The following ARHGEF18 variants were observed in gnomAD, a reference collection of about 807,000 sequenced individuals.
ARHGEF18 encodes rho guanine nucleotide exchange factor 18.
Under a neutral mutation model 155.7 loss-of-function variants are expected in ARHGEF18, and 93 were observed. The observed-to-expected ratio is 0.60, with a 90% CI of 0.50 to 0.71. The LOEUF (loss-of-function observed/expected upper bound fraction) is 0.71, where lower values mean the gene tolerates loss of function less well. Among genes scored for constraint, ARHGEF18 ranks in the 30% least tolerant of loss-of-function variants. The probability of loss-of-function intolerance (pLI) is 0.00; values close to 1 mark genes in which losing one functional copy is unlikely to be tolerated. For missense variants in ARHGEF18, 1,593 were observed against 1,816.1 expected (o/e 0.88, Z 2.23); for synonymous variants, 742 against 753.1 (o/e 0.99, Z 0.24).
At chr19:7,389,923 C>T (rs577468655) in intron 10 of ARHGEF18, among the ~76,000 whole-genome samples, 2 of 152,006 alleles carry the variant, frequency 1.3e-5, no homozygotes, top group Non-Finnish European at 2.9e-5. Flanking sequence ...GATGTGGGGC[C>T]GGGCGCGGAA....
intron 1 of ARHGEF18, among the ~76,000 whole-genome samples, chr19:7,361,530 C>T (rs28370465): frequency 0.048 from 7,331 of 152,232 alleles, 585 homozygotes; most frequent in African/African-American, 0.17. Context: ...CGACCCAAGA[C>T]AATGGAAAAC....
chr19:7,459,982 C>A lies in ARHGEF18; in HGVS notation c.2440C>A (p.Arg814=). The A allele has an allele frequency of 6.3e-7, 1 of 1,579,778 alleles. No individual in the cohort carries two copies. The highest frequency in any genetic ancestry group is 2.3e-5 in the East Asian group (1 of 42,968). The change falls in exon 20 of 29, where the codon CGG becomes AGG. Residue 814 remains arginine (R), a synonymous_variant. Coordinates refer to ENST00000668164, the MANE Select transcript of ARHGEF18 (RefSeq NM_001367823.1). ...KVVEARATRL[R]DFQERLSMKD... is the part of the protein sequence containing the mutation. ...GGTCGAGGCCCGCGCCACGAGACTC[C>A]GGGACTTTCAAGGTGAGCGGGAGAC...
intron 10 of ARHGEF18, among the ~76,000 whole-genome samples, chr19:7,407,983 A>AAAAAAAAAAAAAAAAAAAAC (rs1555711562): frequency 6.3e-5 from 9 of 141,966 alleles, no homozygotes; most frequent in African/African-American, 2.7e-4. Context: ...AAAAAAAAAA[A>AAAAAAAAAAAAAAAAAAAAC]AAAAGAGGTA....
intron 18 of ARHGEF18, among the ~76,000 whole-genome samples, chr19:7,456,776 A>G (rs965922621): frequency 4.6e-5 from 7 of 151,998 alleles, no homozygotes; most frequent in African/African-American, 1.7e-4. Flanking sequence ...CAAAAAACAG[A>G]CGAAGGGCCC....
At position 7,462,836 on chromosome 19, in the gene ARHGEF18, C is replaced by CTTTTTTTT. The variant is rs34155241; in HGVS notation, c.2635+513_2635+520dup. Among the ~76,000 whole-genome samples, 1 of 96,490 alleles carries CTTTTTTTT rather than the reference C, an allele frequency of 1.0e-5. No individual in the cohort carries two copies. 63.3% of individuals were successfully genotyped at this position (96,490 alleles called of 152,430 possible). ...AGTCTGCTCTTTCTTTTTTTCTTTT[C>CTTTTTTTT]TTTTTTTTTTTTTTTTTTGAGATGG... On this transcript the variant is annotated intron_variant, in intron 21 of 28. Transcript: ENST00000668164. This position sits in a 1 kb window ranked among gnomAD's most constrained non-coding sequence, Gnocchi z 4.4.
In ARHGEF18 at chr19:7,440,421, GTC is replaced by G. The variant is rs1030926113; in HGVS notation, c.1050_1051del (p.Gln351GlufsTer26). ...CCTGTCCAGGAATGTCGGTATGACG[GTC>G]TCTCAGAAAGGGGGTCCCCAGCCAA... ...PALSRNVGMT[V>X]SQKGGPQPTP... is the part of the protein sequence containing the mutation. On this transcript the variant is annotated frameshift_variant, in exon 11 of 29. Coordinates refer to ENST00000668164, the MANE Select transcript of ARHGEF18 (RefSeq NM_001367823.1). LOFTEE classifies it high-confidence loss of function. This position sits in a 1 kb window ranked among gnomAD's most constrained non-coding sequence, Gnocchi z 5.4. The G allele has an allele frequency of 1.9e-6, 3 of 1,604,368 alleles. No homozygotes were observed. Among genetic ancestry groups the G allele is most frequent in the Non-Finnish European group, 2.5e-6 (3 of 1,179,946 alleles).
intron 1 of ARHGEF18, among the ~76,000 whole-genome samples, chr19:7,358,836 G>T (rs1228288836): frequency 6.6e-6 from 1 of 152,148 alleles, no homozygotes; most frequent in Non-Finnish European, 1.5e-5. Context: ...AGTACATGAT[G>T]GGCTTAGCAC....
Position 7,444,653 on chromosome 19 carries a change from G to C in ARHGEF18, c.1611+199G>C, listed in dbSNP as rs904740452. 6.6e-6 allele frequency among the ~76,000 whole-genome samples: 1 copy of C among 152,136 alleles called. No homozygotes were observed. The highest frequency in any genetic ancestry group is 2.4e-5 in the African/African-American group (1 of 41,434). ...AGCCTCCCAAGTAGCTGGGACTACA[G>C]CTATGCGCCACCATACCCGGCTAAA... is the stretch of plus-strand genomic sequence containing the variant. On this transcript the variant is annotated intron_variant, in intron 14 of 28. Coordinates refer to ENST00000668164, the MANE Select transcript of ARHGEF18 (RefSeq NM_001367823.1). This position sits in a 1 kb window ranked among gnomAD's most constrained non-coding sequence, Gnocchi z 4.7.
In ARHGEF18 at chr19:7,440,332, C is replaced by G; in HGVS notation, c.968-12C>G. ...TTTCTCAGCACCAACTCTGTCCTTG[C>G]CTCTGTCACAGCCTCGCTCAAGGAG... On this transcript the variant is annotated splice_polypyrimidine_tract_variant and intron_variant, in intron 10 of 28. Transcript: ENST00000668164. The surrounding 1 kb of genome is among the most constrained non-coding windows in gnomAD (Gnocchi z 5.4). 6.2e-7 allele frequency: 1 copy of G among 1,611,580 alleles called. No homozygotes were observed. Among genetic ancestry groups the G allele is most frequent in the Middle Eastern group, 1.7e-4 (1 of 6,058 alleles).
At chr19:7,402,787 C>T (rs2145576180) in intron 10 of ARHGEF18, among the ~76,000 whole-genome samples, 1 of 152,148 alleles carries the variant, frequency 6.6e-6, no homozygotes, top group South Asian at 2.1e-4. Context: ...CATGTAGGAC[C>T]ACGTAGGAGA....
intron 13 of ARHGEF18, among the ~76,000 whole-genome samples, chr19:7,443,350 C>T (rs1348268848): frequency 2.0e-5 from 3 of 152,124 alleles, no homozygotes; most frequent in South Asian, 4.1e-4. Context: ...CCACCATGCC[C>T]GGCCATGCCC....
chr19:7,375,445 G>T lies in ARHGEF18; in HGVS notation c.276-275G>T, dbSNP rs558250893. 9.5e-5 allele frequency among the ~76,000 whole-genome samples: 14 copies of T among 147,886 alleles called. No individual in the cohort carries two copies. The East Asian group carries it at 2.5e-3, about 27-fold the overall frequency. The stretch of plus-strand genomic sequence containing the variant: ...GAAGAAAGGAAGGAAGAAAAGAAAA[G>T]AAAGAAAAGAAAGAGAAAACCAGTC... On this transcript the variant is annotated intron_variant, in intron 3 of 28. Transcript: ENST00000668164.
In ARHGEF18 at chr19:7,383,104, C is replaced by G. The variant is rs960254061; in HGVS notation, c.868C>G (p.Arg290Gly). Residue 290 changes from arginine (R) to glycine (G), a missense_variant, in exon 10 of 29, where the codon CGA becomes GGA. By Grantham distance (125) the Arg-to-Gly change is moderately radical (BLOSUM62 -2). Transcript: ENST00000668164. ...TCTGAAGGACAAGGGCCAGGATGCA[C>G]GAGAGAGGCGGGAGTGTGTCAATGG... ...AHLKDKGQDA[R>G]ERRECVNGHQ... is the part of the protein sequence containing the mutation. 1.6e-6 allele frequency: 2 copies of G among 1,232,338 alleles called. No homozygotes were observed. Among genetic ancestry groups the G allele is most frequent in the Non-Finnish European group, 2.0e-6 (2 of 988,080 alleles). The allele number at this position is 1,232,338 out of a possible 1,614,324, so 76.3% of individuals were successfully genotyped here. A position where few individuals can be genotyped will look rare whatever the true frequency, so the allele number is the denominator to read the frequency against.
chr19:7,376,208 G>A (rs951485809), intron 4 of ARHGEF18, among the ~76,000 whole-genome samples: 10 of 152,134 alleles, frequency 6.6e-5, no homozygotes, highest in Non-Finnish European at 8.8e-5. Context: ...CCCTGCAGCC[G>A]GAAGGCAGCT....
chr19:7,464,728 G>A lies in ARHGEF18; in HGVS notation c.2904+38G>A, dbSNP rs375798835. The A allele has an allele frequency of 7.6e-4, 1,229 of 1,608,958 alleles. 1 individual carries two copies. The highest frequency in any genetic ancestry group is 9.4e-4 in the Non-Finnish European group (1,102 of 1,176,602). ...CCATTTGCTCGGTACAGTCTGAGTC[G>A]TCATAAGGATTCATGTGTGTGAGCA... On this transcript the variant is annotated intron_variant, in intron 23 of 28. Coordinates refer to ENST00000668164, the MANE Select transcript of ARHGEF18 (RefSeq NM_001367823.1).
intron 10 of ARHGEF18, among the ~76,000 whole-genome samples, chr19:7,433,398 C>A (rs141608051): frequency 2.8e-5 from 4 of 142,280 alleles, no homozygotes; most frequent in Non-Finnish European, 6.0e-5. Flanking sequence ...ACCCAGGAGG[C>A]GGGGTTGCAG....
rs1430294992 is a variant in ARHGEF18 at position 7,469,072 on chromosome 19, C to T, written c.3728C>T (p.Thr1243Ile). Residue 1243 changes from threonine to isoleucine, a missense_variant, in exon 27 of 29, where the codon ACC becomes ATC. Transcript: ENST00000668164. Reference sequence around the variant, plus strand: ...ATCCCCACCAAGCTGGCGGCCTCCACCAAGGGTGGCAAGGACAAGGGCGGC... The same window carrying T: ...ATCCCCACCAAGCTGGCGGCCTCCATCAAGGGTGGCAAGGACAAGGGCGGC... The part of the protein sequence containing the change: ...QQIPTKLAAS[T>I]KGGKDKGGKS... 1 of 1,608,936 alleles carries T rather than the reference C, an allele frequency of 6.2e-7. No individual in the cohort carries two copies. The highest frequency in any genetic ancestry group is 8.5e-7 in the Non-Finnish European group (1 of 1,178,654).
chr19:7,464,743 G>A (rs1976513053), intron 23 of ARHGEF18, 53 bp downstream of exon 23: 4 of 1,599,512 alleles, frequency 2.5e-6, no homozygotes, highest in African/African-American at 2.7e-5. Context: ...AAGGATTCAT[G>A]TGTGTGAGCA....
At chr19:7,453,867 T>C in intron 17 of ARHGEF18, 152 bp downstream of exon 17, 1 of 1,104,750 alleles carries the variant, frequency 9.1e-7, no homozygotes. Flanking sequence ...GATTGGTGGG[T>C]ACTCTCTTGA....
Sources: gnomAD v4.1 joint callset for allele counts (sites outside exome capture counted in the v4.1 genomes callset) on GRCh38, gnomAD v4.1.1 for gene constraint, Gnocchi (gnomAD v3.1) non-coding constraint, MANE v1.5 for transcripts, NCBI Gene and HGNC (gene_info 2026-07-23, HGNC 2026-07-21) for gene names.